The following PRKCB variants were observed in gnomAD, a reference collection of about 807,000 sequenced individuals.
PRKCB encodes protein kinase C beta type.
In PRKCB, 13 loss-of-function variants were observed where a neutral mutation model predicts 81.5. The ratio of observed to expected loss-of-function variants is 0.16; its 90% CI spans 0.10 to 0.25. The LOEUF (loss-of-function observed/expected upper bound fraction) is 0.25. Ranked by LOEUF, PRKCB falls within the 10% of genes least tolerant of loss-of-function variation. PRKCB has a pLI of 1.00. For missense variants in PRKCB, 509 were observed against 875.7 expected, an observed-to-expected ratio of 0.58 and a Z score of 5.29; for synonymous variants, 335 against 321.4, an observed-to-expected ratio of 1.04 and a Z score of -0.45.
chr16:23,845,164 C>A (rs1205196712), intron 2 of PRKCB, among the ~76,000 whole-genome samples: 2 of 152,130 alleles, frequency 1.3e-5, no homozygotes, highest in Non-Finnish European at 2.9e-5. Context: ...TGACAGAATA[C>A]AATGGTGAAT....
At chr16:23,946,221 C>G (rs1964202427) in intron 2 of PRKCB, among the ~76,000 whole-genome samples, 1 of 152,160 alleles carries the variant, frequency 6.6e-6, no homozygotes. Context: ...TAAGCCACCT[C>G]TGATTATTAG....
At chr16:24,081,854 G>A (rs553994646) in intron 5 of PRKCB, among the ~76,000 whole-genome samples, 2 of 151,780 alleles carry the variant, frequency 1.3e-5, no homozygotes, top group East Asian at 3.9e-4. Context: ...CTGGGTGACA[G>A]AGCAAGACTC....
At chr16:24,147,005 A>G (rs752940604) in intron 9 of PRKCB, among the ~76,000 whole-genome samples, 36 of 152,252 alleles carry the variant, frequency 2.4e-4, no homozygotes, top group Non-Finnish European at 4.4e-4. Flanking sequence ...TTCCTCTCCC[A>G]TGGCAAAACT....
intron 2 of PRKCB, among the ~76,000 whole-genome samples, chr16:23,970,928 A>G (rs1964546685): frequency 6.6e-6 from 1 of 152,222 alleles, no homozygotes; most frequent in Admixed American, 6.5e-5. Flanking sequence ...GGGAGGCAGT[A>G]CAGAGTAGTG....
At chr16:24,205,497 G>A (rs899986973) in intron 16 of PRKCB, among the ~76,000 whole-genome samples, 1 of 152,164 alleles carries the variant, frequency 6.6e-6, no homozygotes, top group African/African-American at 2.4e-5. Flanking sequence ...TGCGATAAAT[G>A]TAGGAGACTG....
chr16:23,897,280 TGGCTTTATTCTTTCCCCTGAA>T (rs1963395050), intron 2 of PRKCB, among the ~76,000 whole-genome samples: 2 of 152,232 alleles, frequency 1.3e-5, no homozygotes, highest in Admixed American at 6.5e-5. Context: ...TCCTGCCAGA[TGGCTTTATTCTTTCCCCTGAA>T]GGAAGTGGGG....
intron 2 of PRKCB, among the ~76,000 whole-genome samples, chr16:23,908,502 G>A (rs1405529842): frequency 6.6e-6 from 1 of 152,024 alleles, no homozygotes; most frequent in Non-Finnish European, 1.5e-5. Context: ...GAGTGCCTTG[G>A]GTGCCTTGCT....
chr16:24,130,663 A>G lies in PRKCB; in HGVS notation c.1065+6682A>G, dbSNP rs182144849. 1.9e-3 allele frequency among the ~76,000 whole-genome samples: 290 copies of G among 152,234 alleles called. 1 individual carries two copies. The highest frequency in any genetic ancestry group is 3.4e-3 in the Non-Finnish European group (233 of 68,012). On this transcript the variant is annotated intron_variant, in intron 9 of 16. Coordinates refer to ENST00000643927, the MANE Select transcript of PRKCB (RefSeq NM_002738.7). ...GCGCCTGGCCACACCCACTCTCTCC[A>G]TATGGTGATTGGGGACAAGGTGTCT...
At chr16:24,165,948 A>G (rs1567398905) in intron 10 of PRKCB, among the ~76,000 whole-genome samples, 2 of 132,358 alleles carry the variant, frequency 1.5e-5, no homozygotes, top group Non-Finnish European at 3.1e-5. Flanking sequence ...GTGCAGTGGC[A>G]TGATCTGGGT....
At chr16:23,932,112 T>C (rs1027423448) in intron 2 of PRKCB, among the ~76,000 whole-genome samples, 5 of 152,224 alleles carry the variant, frequency 3.3e-5, no homozygotes, top group African/African-American at 7.2e-5. Flanking sequence ...ACTTGATTTC[T>C]TCACGAAACC....
At chr16:23,979,196 C>T (rs908428058) in intron 2 of PRKCB, among the ~76,000 whole-genome samples, 8 of 152,132 alleles carry the variant, frequency 5.3e-5, no homozygotes, top group African/African-American at 1.9e-4. Flanking sequence ...GAAAATGAGA[C>T]ACAGCAAAGA....
In PRKCB at chr16:23,911,825, CAT is replaced by C. The variant is rs1491368525; in HGVS notation, c.205+74420_205+74421del. On this transcript the variant is annotated intron_variant, in intron 2 of 16. Coordinates refer to ENST00000643927, the MANE Select transcript of PRKCB (RefSeq NM_002738.7). ...CTTGTCCTGGGATATGCGCGACCCACATTTTTTTTTTTTTTTTTTTTTTTTGA... is the reference window on the plus strand; with the variant it reads ...CTTGTCCTGGGATATGCGCGACCCACTTTTTTTTTTTTTTTTTTTTTTTGA... Among the ~76,000 whole-genome samples the C allele has an allele frequency of 4.6e-3, 580 of 126,230 alleles. 38 individuals are homozygous for C. Among genetic ancestry groups the C allele is most frequent in the East Asian group, 5.5e-3 (23 of 4,220 alleles). The allele number at this position is 126,230 out of a possible 152,430, so 82.8% of individuals were successfully genotyped here.
intron 2 of PRKCB, among the ~76,000 whole-genome samples, chr16:23,971,318 T>C (rs555293940): frequency 2.3e-4 from 35 of 152,298 alleles, no homozygotes; most frequent in Non-Finnish European, 4.6e-4. Context: ...TATTGGGGTT[T>C]GGTTTACAAG....
chr16:24,175,483 G>A lies in PRKCB; in HGVS notation c.1394+903G>A, dbSNP rs190576660. Among the ~76,000 whole-genome samples, 8 of 151,860 alleles carry A rather than the reference G, an allele frequency of 5.3e-5. No homozygotes were observed. In the South Asian group the frequency reaches 8.4e-4, roughly 16 times the overall value. On this transcript the variant is annotated intron_variant, in intron 12 of 16. Transcript: ENST00000643927. ...TTCTCATGGTGGGAGTTAGATAAGT[G>A]AATCATAAAAACATAGTCTGCCAAG...
chr16:24,059,163 G>C (rs1280184648), intron 5 of PRKCB, among the ~76,000 whole-genome samples: 1 of 152,164 alleles, frequency 6.6e-6, no homozygotes, highest in African/African-American at 2.4e-5. Context: ...AGATGAATCT[G>C]TATATCCAGA....
At chr16:23,836,374 T>C (rs776484475) in intron 1 of PRKCB, 26 bp downstream of exon 1, 14 of 1,590,900 alleles carry the variant, frequency 8.8e-6, no homozygotes, top group Non-Finnish European at 1.2e-5. Flanking sequence ...CAGGGCACCT[T>C]CCCGGGCCCC....
At chr16:24,066,856 T>G in intron 5 of PRKCB, among the ~76,000 whole-genome samples, 1 of 152,308 alleles carries the variant, frequency 6.6e-6, no homozygotes, top group African/African-American at 2.4e-5. Context: ...TTTGCTTTAT[T>G]TAGTTATTTT....
intron 3 of PRKCB, among the ~76,000 whole-genome samples, chr16:24,002,507 T>G (rs1458611093): frequency 6.6e-6 from 1 of 151,858 alleles, no homozygotes; most frequent in Non-Finnish European, 1.5e-5. Context: ...GCCTAGCTAA[T>G]TTTTGTATTT....
Position 23,840,680 on chromosome 16 carries a change from A to G in PRKCB, c.205+3274A>G, listed in dbSNP as rs78822746. Among the ~76,000 whole-genome samples, 21 of 152,336 alleles carry G rather than the reference A, an allele frequency of 1.4e-4. No homozygotes were observed. The East Asian group carries it at 2.5e-3, about 18-fold the overall frequency. ...GAGGTGTGTAGGATGATCGCAAGGC[A>G]AAGAAACCATTGAGAGTAACCTTCA... On this transcript the variant is annotated intron_variant, in intron 2 of 16. Transcript: ENST00000643927.
Sources: allele counts gnomAD v4.1 joint callset (sites outside exome capture counted in the v4.1 genomes callset), GRCh38; gene constraint gnomAD v4.1.1; transcripts MANE v1.5; gene names NCBI Gene and HGNC (gene_info 2026-07-23, HGNC 2026-07-21).